NCOR2: variants seen among roughly 807,000 people sequenced by gnomAD.
NCOR2 encodes CTG repeat protein 26.
NCOR2 carries 81 observed loss-of-function variants against 262.9 expected under a neutral mutation model. The observed-to-expected ratio is 0.31, with a 90% CI of 0.26 to 0.37. The LOEUF (loss-of-function observed/expected upper bound fraction) is 0.37. Ranked by LOEUF, NCOR2 falls within the 10% of genes least tolerant of loss-of-function variation. The pLI is 1.00. For synonymous variants in NCOR2, 1,659 were observed against 1,559.3 expected (o/e 1.06, Z -1.51); for missense variants, 3,385 against 3,621.4 (o/e 0.93, Z 1.68).
At chr12:124,402,773 TG>T (rs1403364930) in intron 13 of NCOR2, among the ~76,000 whole-genome samples, 1 of 152,068 alleles carries the variant, frequency 6.6e-6, no homozygotes, top group Non-Finnish European at 1.5e-5. Flanking sequence ...CCTAGGGGCC[TG>T]GGGAGGCGGA....
intron 1 of NCOR2, among the ~76,000 whole-genome samples, chr12:124,494,301 C>T (rs575438624): frequency 2.6e-5 from 4 of 152,312 alleles, no homozygotes; most frequent in East Asian, 1.9e-4. Context: ...CCAGGCCTCA[C>T]ATCCCCTCAC....
intron 33 of NCOR2, 69 bp from the exon 36 acceptor site, chr12:124,342,143 T>A: frequency 6.6e-7 from 1 of 1,509,422 alleles, no homozygotes; most frequent in East Asian, 2.4e-5. Flanking sequence ...TCCACCTGTC[T>A]GGATGCCCCC....
At chr12:124,563,227 G>C (rs887719201) in intron 1 of NCOR2, among the ~76,000 whole-genome samples, 1 of 152,176 alleles carries the variant, frequency 6.6e-6, no homozygotes, top group Non-Finnish European at 1.5e-5. Context: ...CTCTCTTGGG[G>C]ATGGCAGATG....
chr12:124,499,818 G>A (rs746401460), upstream of NCOR2, among the ~76,000 whole-genome samples: 4 of 152,166 alleles, frequency 2.6e-5, no homozygotes, highest in Admixed American at 1.3e-4. Context: ...AGTGTTTTAC[G>A]AGCAGGCACT....
chr12:124,424,484 G>A (rs2043418576), intron 11 of NCOR2, among the ~76,000 whole-genome samples: 2 of 152,152 alleles, frequency 1.3e-5, no homozygotes, highest in Non-Finnish European at 2.9e-5. Flanking sequence ...CACTCACTCG[G>A]TGCTGTGGGC....
At chr12:124,518,486 A>C (rs1168581994) in intron 1 of NCOR2, among the ~76,000 whole-genome samples, 2 of 152,184 alleles carry the variant, frequency 1.3e-5, no homozygotes, top group African/African-American at 4.8e-5. Context: ...CACCGGCGAC[A>C]AGTGCGGGGC....
intron 38 of NCOR2, chr12:124,336,157 C>T: frequency 6.1e-6 from 1 of 163,786 alleles, no homozygotes; most frequent in Non-Finnish European, 1.3e-5. Flanking sequence ...GGGGACAGGG[C>T]AAGATGCAAG....
rs554320980 is a variant in NCOR2, at chr12:124,495,018, C to T, written c.105+129G>A. ...ACACCAGGGGTCTCTGTGGCGGCCTCCCCTCTGCCCTGGGAGGCTCAGAGC... is the reference window on the plus strand; with the variant it reads ...ACACCAGGGGTCTCTGTGGCGGCCTTCCCTCTGCCCTGGGAGGCTCAGAGC... On this transcript the variant is annotated intron_variant, in intron 1 of 46. Coordinates refer to ENST00000405201, the Ensembl canonical transcript of NCOR2. The surrounding 1 kb of genome is among the most constrained non-coding windows in gnomAD (Gnocchi z 4.4). 1.1e-5 allele frequency: 13 copies of T among 1,171,432 alleles called. No individual in the cohort carries two copies. The African/African-American group carries it at 1.7e-4, about 16-fold the overall frequency. 72.6% of individuals were successfully genotyped at this position (1,171,432 alleles called of 1,614,324 possible).
At chr12:124,527,660 C>A (rs938832582) in intron 1 of NCOR2, among the ~76,000 whole-genome samples, 1 of 152,120 alleles carries the variant, frequency 6.6e-6, no homozygotes, top group Non-Finnish European at 1.5e-5. Flanking sequence ...TCAGATGATC[C>A]GCCTGCCTCG....
At chr12:124,466,181 C>T (rs768370735) in exon 5 of NCOR2, 16 of 1,607,870 alleles carry the variant, frequency 1.0e-5, no homozygotes, top group Non-Finnish European at 1.4e-5. Flanking sequence ...ACCCGGTTCT[C>T]GTCGTAGATG....
chr12:124,442,148 G>T (rs114169594), intron 7 of NCOR2, among the ~76,000 whole-genome samples: 2,171 of 152,176 alleles, frequency 0.014, 46 homozygotes, highest in African/African-American at 0.049. Flanking sequence ...GTTTTGTTTT[G>T]ATTTTTGTTT....
At chr12:124,350,819 A>C (rs1470194012) in intron 27 of NCOR2, 82 bp from the exon 30 acceptor site, 1 of 1,474,882 alleles carries the variant, frequency 6.8e-7, no homozygotes, top group African/African-American at 1.4e-5. Context: ...GACGTGCTTA[A>C]AAGCCCATGT....
chr12:124,398,247 T>C, intron 15 of NCOR2, 66 bp from the exon 18 acceptor site: 2 of 1,562,762 alleles, frequency 1.3e-6, no homozygotes, highest in Non-Finnish European at 1.8e-6. Context: ...TCTGCCCTTT[T>C]CTCTCCTTTG....
rs1297949937 is a variant in NCOR2 at position 124,531,806 on chromosome 12, A to G, written c.-118+3759T>C. Among the ~76,000 whole-genome samples, 3 of 126,340 alleles carry G rather than the reference A, an allele frequency of 2.4e-5. No individual in the cohort carries two copies. The highest frequency in any genetic ancestry group is 3.8e-3 in the Middle Eastern group (1 of 260). The allele number at this position is 126,340 out of a possible 152,430, so 82.9% of individuals were successfully genotyped here. A position where few individuals can be genotyped will look rare whatever the true frequency, so the allele number is the denominator to read the frequency against. On this transcript the variant is annotated intron_variant, in intron 1 of 46. Coordinates refer to the NCOR2 transcript ENST00000404621. The surrounding 1 kb of genome is among the most constrained non-coding windows in gnomAD (Gnocchi z 4.5). ...CTTCGGTGTCCCCGATCACCCGCCC[A>G]GGGTACCCCGAGACCCCAGCCCCCA...
chr12:124,427,196 G>C (rs1416057424), intron 10 of NCOR2, among the ~76,000 whole-genome samples: 1 of 152,176 alleles, frequency 6.6e-6, no homozygotes, highest in East Asian at 1.9e-4. Flanking sequence ...GCAAGAGTGG[G>C]CCCTGGGGTC....
chr12:124,458,241 G>A (rs1347648949), intron 5 of NCOR2, among the ~76,000 whole-genome samples: 1 of 152,246 alleles, frequency 6.6e-6, no homozygotes, highest in Non-Finnish European at 1.5e-5. Flanking sequence ...AAATGTGGCT[G>A]CCAACAAAAA....
chr12:124,522,985 G>C (rs959741464), intron 1 of NCOR2, among the ~76,000 whole-genome samples: 1 of 152,160 alleles, frequency 6.6e-6, no homozygotes, highest in Non-Finnish European at 1.5e-5. Flanking sequence ...CCTGCCTCCT[G>C]GATGGGGAGG....
chr12:124,426,480 C>T (rs966012189), intron 11 of NCOR2, 142 bp downstream of exon 13: 22 of 799,086 alleles, frequency 2.8e-5, no homozygotes, highest in Non-Finnish European at 3.9e-5. Flanking sequence ...CTTCCGGCCT[C>T]CACAACCAGG....
rs555803071 is a variant in NCOR2 at position 124,448,552 on chromosome 12, G to A, written c.815+1263C>T. 3.9e-5 allele frequency among the ~76,000 whole-genome samples: 6 copies of A among 152,222 alleles called. No individual in the cohort carries two copies. The East Asian group carries it at 7.8e-4, about 20-fold the overall frequency. On this transcript the variant is annotated intron_variant, in intron 7 of 46. Transcript: ENST00000405201. ...TGAGGATGACCCCCCCGCCAGCCACGCTGGTGAAGTATCTTTGTCAGGTGC... is the reference window on the plus strand; with the variant it reads ...TGAGGATGACCCCCCCGCCAGCCACACTGGTGAAGTATCTTTGTCAGGTGC...
Sources: allele counts gnomAD v4.1 joint callset (sites outside exome capture counted in the v4.1 genomes callset), GRCh38; gene constraint gnomAD v4.1.1; non-coding constraint Gnocchi (gnomAD v3.1); transcripts MANE v1.5; gene names NCBI Gene and HGNC (gene_info 2026-07-23, HGNC 2026-07-21).